NALF1: variants seen among roughly 807,000 people sequenced by gnomAD.
NALF1 encodes NALCN channel auxiliary factor 1, also known as family with sequence similarity 155 member A.
Under a neutral mutation model 48.4 loss-of-function variants are expected in NALF1, and 3 were observed. The observed-to-expected ratio is 0.06, with a 90% CI of 0.03 to 0.16. The LOEUF is 0.16. Ranked by LOEUF, NALF1 falls within the 10% of genes least tolerant of loss-of-function variation. The pLI is 1.00. For synonymous variants in NALF1, 262 were observed against 245.7 expected, an observed-to-expected ratio of 1.07 and a Z score of -0.62; for missense variants, 526 against 571.5, an observed-to-expected ratio of 0.92 and a Z score of 0.81.
intron 1 of NALF1, among the ~76,000 whole-genome samples, chr13:107,675,694 T>C (rs1049850210): frequency 5.9e-5 from 9 of 152,204 alleles, no homozygotes; most frequent in Admixed American, 3.9e-4. Context: ...TAGCTACTGC[T>C]GCCTGGTTCT....
intron 1 of NALF1, among the ~76,000 whole-genome samples, chr13:107,647,082 T>G (rs867186259): frequency 6.6e-6 from 1 of 152,050 alleles, no homozygotes; most frequent in Non-Finnish European, 1.5e-5. Flanking sequence ...GGAAATATCC[T>G]AAAGAGACTG....
chr13:107,366,719 G>A (rs988359439), intron 1 of NALF1, among the ~76,000 whole-genome samples: 2 of 152,194 alleles, frequency 1.3e-5, no homozygotes, highest in African/African-American at 2.4e-5. Context: ...TTCTCATTTA[G>A]TCGTAAGCAA....
At chr13:107,365,202 G>T (rs1883133585) in intron 1 of NALF1, among the ~76,000 whole-genome samples, 1 of 151,436 alleles carries the variant, frequency 6.6e-6, no homozygotes, top group African/African-American at 2.4e-5. Flanking sequence ...TAATTTTATT[G>T]TGAAGGTGCT....
chr13:107,694,138 C>T (rs535379880), intron 1 of NALF1, among the ~76,000 whole-genome samples: 3 of 152,256 alleles, frequency 2.0e-5, no homozygotes, highest in Admixed American at 6.5e-5. Context: ...GTTAGAAACA[C>T]GGATGAGGGG....
Position 107,336,389 on chromosome 13 carries a change from A to AATG in NALF1, c.916-125635_916-125634insCAT, listed in dbSNP as rs1238093699. 6.1e-5 allele frequency among the ~76,000 whole-genome samples: 8 copies of AATG among 130,196 alleles called. No homozygotes were observed. In the Admixed American group the frequency reaches 6.3e-4, roughly 10 times the overall value. 85.4% of individuals were successfully genotyped at this position (130,196 alleles called of 152,430 possible). On this transcript the variant is annotated intron_variant, in intron 1 of 2. Transcript: ENST00000375915. ...TGATGATAATAATAATAATAATAAT[A>AATG]ATAAAAAATCTAATATCTTCACGAG... is the stretch of plus-strand genomic sequence containing the variant.
At chr13:107,339,523 C>T (rs532050919) in intron 1 of NALF1, among the ~76,000 whole-genome samples, 1 of 152,008 alleles carries the variant, frequency 6.6e-6, no homozygotes, top group African/African-American at 2.4e-5. Flanking sequence ...GCTGCTAGTT[C>T]GTAGACCACT....
At chr13:107,793,219 T>G (rs1038849052) in intron 1 of NALF1, among the ~76,000 whole-genome samples, 1 of 152,198 alleles carries the variant, frequency 6.6e-6, no homozygotes, top group African/African-American at 2.4e-5. Flanking sequence ...TTCAACAGGA[T>G]AGCAGGGCTG....
At chr13:107,638,574 C>G (rs1438732360) in intron 1 of NALF1, among the ~76,000 whole-genome samples, 1 of 152,020 alleles carries the variant, frequency 6.6e-6, no homozygotes. Context: ...ACAAAGTGAG[C>G]TTATTGCTGA....
chr13:107,517,893 A>C (rs1876115129), intron 1 of NALF1, among the ~76,000 whole-genome samples: 1 of 152,080 alleles, frequency 6.6e-6, no homozygotes, highest in Non-Finnish European at 1.5e-5. Flanking sequence ...TGGACGTTTC[A>C]GTGAGCCGAG....
chr13:107,425,438 ACT>A (rs1884263708), intron 1 of NALF1, among the ~76,000 whole-genome samples: 1 of 152,118 alleles, frequency 6.6e-6, no homozygotes, highest in Admixed American at 6.5e-5. Context: ...GAAAATATTG[ACT>A]CATTTATTAT....
At chr13:107,592,233 C>T (rs1878619105) in intron 1 of NALF1, among the ~76,000 whole-genome samples, 1 of 151,706 alleles carries the variant, frequency 6.6e-6, no homozygotes, top group South Asian at 2.1e-4. Context: ...GTGATATTTG[C>T]TATGATGACT....
chr13:107,670,482 C>T (rs531083470), intron 1 of NALF1, among the ~76,000 whole-genome samples: 1 of 152,082 alleles, frequency 6.6e-6, no homozygotes, highest in South Asian at 2.1e-4. Context: ...TTTCTCGAGG[C>T]TATAATAGTA....
chr13:107,595,427 CACTAG>C (rs953465340), intron 1 of NALF1, among the ~76,000 whole-genome samples: 3 of 151,998 alleles, frequency 2.0e-5, no homozygotes, highest in Non-Finnish European at 4.4e-5. Context: ...CTACTGATGG[CACTAG>C]AAACACAGTG....
intron 1 of NALF1, among the ~76,000 whole-genome samples, chr13:107,355,710 G>T (rs1400968745): frequency 8.6e-5 from 13 of 152,036 alleles, no homozygotes; most frequent in Non-Finnish European, 1.8e-4. Context: ...ATGATTGTAA[G>T]TTTCCTGAGG....
chr13:107,720,058 C>A (rs1875937405), intron 1 of NALF1, among the ~76,000 whole-genome samples: 1 of 152,204 alleles, frequency 6.6e-6, no homozygotes, highest in African/African-American at 2.4e-5. Flanking sequence ...CTTGTCATCA[C>A]CTCCATGGAG....
intron 1 of NALF1, among the ~76,000 whole-genome samples, chr13:107,707,783 T>G (rs546830279): frequency 6.6e-6 from 1 of 152,330 alleles, no homozygotes; most frequent in East Asian, 1.9e-4. Context: ...CCAAGAGCCT[T>G]AAATGCATTT....
chr13:107,803,237 A>C (rs1237618282), intron 1 of NALF1, among the ~76,000 whole-genome samples: 1 of 152,128 alleles, frequency 6.6e-6, no homozygotes, highest in African/African-American at 2.4e-5. Flanking sequence ...ACCTGAGGAG[A>C]CTGGATCCAA....
intron 1 of NALF1, among the ~76,000 whole-genome samples, chr13:107,591,286 T>C (rs916398041): frequency 6.6e-6 from 1 of 151,996 alleles, no homozygotes; most frequent in Non-Finnish European, 1.5e-5. Context: ...TGCAGTGACA[T>C]ATGAGTAACA....
At chr13:107,317,523 C>G (rs1882173619) in intron 1 of NALF1, among the ~76,000 whole-genome samples, 1 of 151,988 alleles carries the variant, frequency 6.6e-6, no homozygotes, top group South Asian at 2.1e-4. Context: ...TAAAACCAAT[C>G]TATCCCCAAA....
Sources: gnomAD v4.1 joint callset for allele counts (sites outside exome capture counted in the v4.1 genomes callset) on GRCh38, gnomAD v4.1.1 for gene constraint, MANE v1.5 for transcripts, NCBI Gene and HGNC (gene_info 2026-07-23, HGNC 2026-07-21) for gene names.